Variants in CNIH3 observed in about 807,000 individuals in gnomAD.
The protein encoded by CNIH3 is protein cornichon homolog 3.
Under a neutral mutation model 24.1 loss-of-function variants are expected in CNIH3, and 14 were observed. The observed-to-expected ratio is 0.58, with a 90% CI of 0.38 to 0.91. CNIH3 has a LOEUF of 0.91. Among genes scored for constraint, CNIH3 ranks in the 40% least tolerant of loss-of-function variants. CNIH3 has a pLI of 0.00. For missense variants in CNIH3, 178 were observed against 196.8 expected (o/e 0.90, Z 0.57); for synonymous variants, 68 against 73.8 (o/e 0.92, Z 0.40).
At chr1:224,502,618 G>A (rs1168367729) in intron 1 of CNIH3, among the ~76,000 whole-genome samples, 1 of 152,178 alleles carries the variant, frequency 6.6e-6, no homozygotes, top group African/African-American at 2.4e-5. Flanking sequence ...TAGGGAGGGC[G>A]GGGCCCGTGC....
intron 1 of CNIH3, among the ~76,000 whole-genome samples, chr1:224,493,207 G>C (rs1677301221): frequency 6.6e-6 from 1 of 152,128 alleles, no homozygotes; most frequent in African/African-American, 2.4e-5. Flanking sequence ...GCTAGTCTTT[G>C]TATATAAACT....
chr1:224,469,584 T>C (rs750902526), intron 1 of CNIH3, among the ~76,000 whole-genome samples: 5 of 152,222 alleles, frequency 3.3e-5, no homozygotes, highest in Admixed American at 6.5e-5. Flanking sequence ...TCATAGCTAA[T>C]TGTAATCTCA....
At chr1:224,534,793 T>G (rs974161789) in intron 2 of CNIH3, among the ~76,000 whole-genome samples, 1 of 152,180 alleles carries the variant, frequency 6.6e-6, no homozygotes, top group African/African-American at 2.4e-5. Flanking sequence ...GACACATTAC[T>G]TTCCTCACCT....
chr1:224,733,758 T>G (rs1346853815), intron 4 of CNIH3, among the ~76,000 whole-genome samples: 1 of 152,176 alleles, frequency 6.6e-6, no homozygotes, highest in Admixed American at 6.5e-5. Flanking sequence ...CACTGAGAGA[T>G]TCCAGCTGTA....
chr1:224,627,363 T>C (rs1411138790), intron 1 of CNIH3, among the ~76,000 whole-genome samples: 3 of 85,386 alleles, frequency 3.5e-5, no homozygotes, highest in African/African-American at 2.2e-4. Flanking sequence ...ATAGCTGGGA[T>C]TACAGGCACG....
intron 4 of CNIH3, 63 bp from the exon 5 acceptor site, chr1:224,734,500 T>A: frequency 1.3e-6 from 2 of 1,565,398 alleles, no homozygotes; most frequent in Non-Finnish European, 1.8e-6. Flanking sequence ...ATCGGAAGGG[T>A]TTGCCCAGGT....
chr1:224,593,402 TG>T (rs919467105), downstream of CNIH3, among the ~76,000 whole-genome samples: 55 of 152,298 alleles, frequency 3.6e-4, no homozygotes, highest in African/African-American at 1.3e-3. Flanking sequence ...GGTCCATACC[TG>T]GTTTTCAGGT....
intron 1 of CNIH3, among the ~76,000 whole-genome samples, chr1:224,473,265 A>ACCTT (rs1239639422): frequency 2.5e-4 from 38 of 152,252 alleles, no homozygotes; most frequent in Non-Finnish European, 5.4e-4. Context: ...GGAAGGAAGG[A>ACCTT]AATAAGAGAA....
chr1:224,479,144 CTTTTTTTTTT>C lies in CNIH3; in HGVS notation n.204-36580_204-36571del, dbSNP rs35188696. On this transcript the variant is annotated intron_variant and non_coding_transcript_variant, in intron 1 of 5. Transcript: ENST00000471578. ...TGCCTTCCCAGCAGTCCCCCAAAGT[CTTTTTTTTTT>C]TTTTTTTTTTTTTTTTGAGACAGAG... is the stretch of plus-strand genomic sequence containing the variant. Among the ~76,000 whole-genome samples, 105 of 53,712 alleles carry C rather than the reference CTTTTTTTTTT, an allele frequency of 2.0e-3. 1 individual carries two copies. Among genetic ancestry groups the C allele is most frequent in the African/African-American group, 7.4e-3 (100 of 13,448 alleles). 35.2% of individuals were successfully genotyped at this position (53,712 alleles called of 152,430 possible). A position where few individuals can be genotyped will look rare whatever the true frequency, so the allele number is the denominator to read the frequency against.
downstream of CNIH3, among the ~76,000 whole-genome samples, chr1:224,591,406 C>G (rs1681748395): frequency 6.6e-6 from 1 of 152,178 alleles, no homozygotes; most frequent in African/African-American, 2.4e-5. Flanking sequence ...CAAAGTTACT[C>G]AACTTCTCTA....
chr1:224,649,482 T>C (rs1182715020), intron 1 of CNIH3, among the ~76,000 whole-genome samples: 1 of 152,248 alleles, frequency 6.6e-6, no homozygotes, highest in African/African-American at 2.4e-5. Flanking sequence ...TAATTTATTA[T>C]AGCAGCAGTA....
At chr1:224,513,861 G>C (rs1438016141), upstream of CNIH3, 4 of 152,174 alleles carry the variant, frequency 2.6e-5, no homozygotes, top group African/African-American at 9.7e-5. Flanking sequence ...CTCCGTGGTT[G>C]GGTGTCCGTC....
At chr1:224,457,577 G>A (rs980413950) in intron 1 of CNIH3, among the ~76,000 whole-genome samples, 6 of 142,462 alleles carry the variant, frequency 4.2e-5, no homozygotes, top group African/African-American at 1.6e-4. Flanking sequence ...CTAAGTAGAC[G>A]AAATATTGGG....
intron 2 of CNIH3, among the ~76,000 whole-genome samples, chr1:224,534,622 TA>T (rs1412604435): frequency 6.6e-6 from 1 of 152,190 alleles, no homozygotes; most frequent in East Asian, 1.9e-4. Flanking sequence ...GAAGAAGCAG[TA>T]ATGGACTCAG....
At chr1:224,436,268 G>T (rs1301794748) in intron 1 of CNIH3, among the ~76,000 whole-genome samples, 2 of 152,186 alleles carry the variant, frequency 1.3e-5, no homozygotes, top group Non-Finnish European at 2.9e-5. Flanking sequence ...GTATCCAGCA[G>T]AGCCTGAATT....
intron 2 of CNIH3, among the ~76,000 whole-genome samples, chr1:224,546,606 AGT>A (rs1244750170): frequency 6.6e-6 from 1 of 152,194 alleles, no homozygotes; most frequent in Non-Finnish European, 1.5e-5. Context: ...ATTCTGACCC[AGT>A]GTGTGTCACT....
chr1:224,434,915 C>T (rs1278805650), intron 1 of CNIH3: 2 of 985,430 alleles, frequency 2.0e-6, no homozygotes, highest in Non-Finnish European at 2.4e-6. Context: ...GGGGCTGTCC[C>T]GGGGGTCAGG....
chr1:224,701,666 A>G (rs948778228), intron 3 of CNIH3, among the ~76,000 whole-genome samples: 1 of 152,174 alleles, frequency 6.6e-6, no homozygotes, highest in Non-Finnish European at 1.5e-5. Context: ...TTAAGGTATT[A>G]TATGTGGTAT....
chr1:224,603,616 A>G (rs769023565), intron 3 of CNIH3, among the ~76,000 whole-genome samples: 6 of 152,222 alleles, frequency 3.9e-5, no homozygotes, highest in Admixed American at 1.3e-4. Context: ...TAATATTTAC[A>G]TTAGTAGCAC....
Sources: gnomAD v4.1 joint callset for allele counts (sites outside exome capture counted in the v4.1 genomes callset) on GRCh38, gnomAD v4.1.1 for gene constraint, MANE v1.5 for transcripts, NCBI Gene and HGNC (gene_info 2026-07-23, HGNC 2026-07-21) for gene names.